XYLT1: variants seen among roughly 807,000 people sequenced by gnomAD.
XYLT1 encodes the protein beta-D-xylosyltransferase 1.
A neutral mutation model predicts 91.3 loss-of-function variants in XYLT1; 36 were observed. The ratio of observed to expected loss-of-function variants is 0.39; its 90% CI spans 0.30 to 0.52. XYLT1 has a LOEUF of 0.52. Among genes scored for constraint, XYLT1 ranks in the 20% least tolerant of loss-of-function variants. XYLT1 has a pLI of 0.68. For synonymous variants in XYLT1, 588 were observed against 532.0 expected, an observed-to-expected ratio of 1.11 and a Z score of -1.45; for missense variants, 1,242 against 1,284.5, an observed-to-expected ratio of 0.97 and a Z score of 0.51.
intron 1 of XYLT1, among the ~76,000 whole-genome samples, chr16:17,391,056 AC>A (rs1222252528): frequency 3.3e-5 from 5 of 152,050 alleles, no homozygotes; most frequent in African/African-American, 1.2e-4. Context: ...AAAAACAAAA[AC>A]AAACAAACAA....
chr16:17,336,818 G>A (rs1398120467), intron 2 of XYLT1, among the ~76,000 whole-genome samples: 1 of 152,158 alleles, frequency 6.6e-6, no homozygotes, highest in Non-Finnish European at 1.5e-5. Context: ...CCTCTTCAGG[G>A]GCCAGAAACC....
At chr16:17,213,380 T>C (rs2032797961) in intron 3 of XYLT1, among the ~76,000 whole-genome samples, 1 of 152,218 alleles carries the variant, frequency 6.6e-6, no homozygotes, top group Middle Eastern at 3.2e-3. Flanking sequence ...GGTATTTCTT[T>C]ATAGCAATGG....
At chr16:17,351,233 C>T (rs1054811391) in intron 2 of XYLT1, among the ~76,000 whole-genome samples, 1 of 151,962 alleles carries the variant, frequency 6.6e-6, no homozygotes, top group South Asian at 2.1e-4. Context: ...ATAAATGTGT[C>T]GGCCAGGCAT....
chr16:17,345,364 C>G (rs1370541098), intron 2 of XYLT1, among the ~76,000 whole-genome samples: 1 of 152,224 alleles, frequency 6.6e-6, no homozygotes, highest in Non-Finnish European at 1.5e-5. Context: ...GGAGGAGGAA[C>G]ATTCCAGAGA....
intron 2 of XYLT1, among the ~76,000 whole-genome samples, chr16:17,314,172 TCAAGATCAGGAGATCCTAGAGAAAG>T (rs1438450336): frequency 6.6e-6 from 1 of 152,196 alleles, no homozygotes; most frequent in Non-Finnish European, 1.5e-5. Flanking sequence ...CTCCAAAATC[TCAAGATCAGGAGATCCTAGAGAAAG>T]ATTAGAAGCA....
chr16:17,262,225 C>T (rs2033733563), intron 2 of XYLT1, among the ~76,000 whole-genome samples: 1 of 152,184 alleles, frequency 6.6e-6, no homozygotes, highest in African/African-American at 2.4e-5. Flanking sequence ...GTGCTAGGTG[C>T]CATGCTAAGC....
intron 1 of XYLT1, among the ~76,000 whole-genome samples, chr16:17,439,136 AAGTT>A (rs1229612436): frequency 1.3e-5 from 2 of 152,204 alleles, no homozygotes; most frequent in Non-Finnish European, 2.9e-5. Context: ...TAGTGGCTAA[AAGTT>A]AGTGAAGCAA....
intron 1 of XYLT1, among the ~76,000 whole-genome samples, chr16:17,394,397 C>G (rs371699157): frequency 6.6e-6 from 1 of 152,150 alleles, no homozygotes; most frequent in Admixed American, 6.5e-5. Flanking sequence ...GGTCTCCACA[C>G]GATCCACCAA....
intron 2 of XYLT1, among the ~76,000 whole-genome samples, chr16:17,344,839 T>C (rs1237589812): frequency 1.3e-5 from 2 of 152,078 alleles, no homozygotes; most frequent in East Asian, 3.9e-4. Flanking sequence ...TAGCTGGGAC[T>C]ACAAGCATGC....
At chr16:17,272,108 G>C (rs1002933647) in intron 2 of XYLT1, among the ~76,000 whole-genome samples, 6 of 148,196 alleles carry the variant, frequency 4.0e-5, no homozygotes, top group African/African-American at 1.5e-4. Context: ...GCAGTGGATA[G>C]TCTTTGAGTT....
Position 17,470,701 on chromosome 16 carries a change from C to T in XYLT1, c.96G>A (p.Val32=). ...CGGAGTCGAGGCTGCTGAAATTCCA[C>T]ACGACCAGCGTCTGCAGCAGCAGCA... ...LTVLLLQTLV[V]WNFSSLDSGA... is the part of the protein sequence containing the mutation. The change falls in exon 1 of 12, where the codon GTG becomes GTA. Residue 32 remains valine, a synonymous_variant. Transcript: ENST00000261381. The T allele has an allele frequency of 8.6e-7, 1 of 1,168,736 alleles. No homozygotes were observed. Among genetic ancestry groups the T allele is most frequent in the Non-Finnish European group, 1.1e-6 (1 of 927,946 alleles). 72.4% of individuals were successfully genotyped at this position (1,168,736 alleles called of 1,614,324 possible).
chr16:17,175,840 A>G lies in XYLT1; in HGVS notation c.1290-16931T>C, dbSNP rs1005830822. 2.6e-5 allele frequency among the ~76,000 whole-genome samples: 4 copies of G among 152,166 alleles called. 1 individual carries two copies. Among genetic ancestry groups the G allele is most frequent in the Non-Finnish European group, 5.9e-5 (4 of 68,032 alleles). On this transcript the variant is annotated intron_variant, in intron 5 of 11. Coordinates refer to ENST00000261381, the MANE Select transcript of XYLT1 (RefSeq NM_022166.4). ...TTTATGTGGAGAAGCAGCTGAGCCAACCTTAGGATTCATGAGTACCTACCA... is the reference window on the plus strand; with the variant it reads ...TTTATGTGGAGAAGCAGCTGAGCCAGCCTTAGGATTCATGAGTACCTACCA...
intron 3 of XYLT1, among the ~76,000 whole-genome samples, chr16:17,225,959 C>T (rs1022302798): frequency 1.3e-5 from 2 of 152,066 alleles, no homozygotes; most frequent in African/African-American, 4.8e-5. Context: ...CCCCTAAGAA[C>T]ATCTGCAAAA....
intron 3 of XYLT1, among the ~76,000 whole-genome samples, chr16:17,247,532 T>C (rs941822615): frequency 2.6e-5 from 4 of 152,162 alleles, no homozygotes; most frequent in African/African-American, 9.7e-5. Flanking sequence ...GATGGATTAA[T>C]GAAAGTACAC....
intron 2 of XYLT1, among the ~76,000 whole-genome samples, chr16:17,336,904 G>A (rs1192397161): frequency 6.6e-6 from 1 of 152,172 alleles, no homozygotes; most frequent in Non-Finnish European, 1.5e-5. Flanking sequence ...TCCCTGGCCT[G>A]CACAAGCCAG....
chr16:17,444,015 C>A (rs2036562856), intron 1 of XYLT1, among the ~76,000 whole-genome samples: 1 of 152,174 alleles, frequency 6.6e-6, no homozygotes, highest in Non-Finnish European at 1.5e-5. Flanking sequence ...TCAATGACCA[C>A]CAGGCACACT....
intron 1 of XYLT1, among the ~76,000 whole-genome samples, chr16:17,442,708 T>G (rs1171248668): frequency 6.6e-6 from 1 of 152,130 alleles, no homozygotes; most frequent in Non-Finnish European, 1.5e-5. Flanking sequence ...CAGAGCATCC[T>G]CCAATAAGCC....
chr16:17,217,159 T>G (rs2141604789), intron 3 of XYLT1, among the ~76,000 whole-genome samples: 1 of 152,326 alleles, frequency 6.6e-6, no homozygotes, highest in Admixed American at 6.5e-5. Context: ...TGATGTGAGC[T>G]GGGCTCAGCC....
chr16:17,275,615 T>C (rs973835670), intron 2 of XYLT1, among the ~76,000 whole-genome samples: 5 of 152,184 alleles, frequency 3.3e-5, no homozygotes. Context: ...CGCCCCTGAC[T>C]CCTGAAAGCC....
Sources: gnomAD v4.1 joint callset for allele counts (sites outside exome capture counted in the v4.1 genomes callset) on GRCh38, gnomAD v4.1.1 for gene constraint, MANE v1.5 for transcripts, NCBI Gene and HGNC (gene_info 2026-07-23, HGNC 2026-07-21) for gene names.